Variants in MACF1 observed in about 807,000 individuals in gnomAD.
The protein encoded by MACF1 is microtubule actin crosslinking factor 1, also known as microtubule-actin cross-linking factor 1.
Under a neutral mutation model 854.8 loss-of-function variants are expected in MACF1, and 193 were observed. The observed-to-expected ratio is 0.23, with a 90% CI of 0.20 to 0.25. The LOEUF is 0.25. MACF1 is among the 10% of genes least tolerant of loss of function. The pLI is 1.00. For synonymous variants in MACF1, 3,185 were observed against 3,226.7 expected, an observed-to-expected ratio of 0.99 and a Z score of 0.44; for missense variants, 7,722 against 8,929.1, an observed-to-expected ratio of 0.86 and a Z score of 5.45.
intron 2 of MACF1, among the ~76,000 whole-genome samples, chr1:39,153,228 AG>A (rs1344122225): frequency 6.6e-6 from 1 of 152,134 alleles, no homozygotes; most frequent in South Asian, 2.1e-4. Context: ...ATCTTTTCCT[AG>A]GTCCTCAGAA....
intron 6 of MACF1, among the ~76,000 whole-genome samples, chr1:39,273,053 C>T (rs1476860064): frequency 6.6e-6 from 1 of 152,124 alleles, no homozygotes; most frequent in Non-Finnish European, 1.5e-5. Context: ...TTCCTCCTCC[C>T]CATCTTGACT....
At chr1:39,399,249 C>T (rs186065251) in intron 58 of MACF1, among the ~76,000 whole-genome samples, 1 of 152,176 alleles carries the variant, frequency 6.6e-6, no homozygotes, top group African/African-American at 2.4e-5. Flanking sequence ...TTGATCCCCA[C>T]TATCTTTCCA....
rs543036786 is a variant in MACF1 at position 39,333,878 on chromosome 1, G to A, written c.7290G>A (p.Leu2430=). Residue 2430 remains leucine, a synonymous_variant, in exon 37 of 101, where the codon TTG becomes TTA. Transcript: ENST00000564288. ...VSVTLASTLG[L]VDVADQPELI... is the part of the protein sequence containing the mutation. Reference sequence around the variant, plus strand: ...TAACTTTGGCCTCAACTCTTGGCTTGGTGGACGTTGCTGACCAGCCAGAAC... The same window carrying A: ...TAACTTTGGCCTCAACTCTTGGCTTAGTGGACGTTGCTGACCAGCCAGAAC... 2 of 1,614,164 alleles carry A rather than the reference G, an allele frequency of 1.2e-6. No homozygotes were observed. Among genetic ancestry groups the A allele is most frequent in the Non-Finnish European group, 1.7e-6 (2 of 1,180,028 alleles).
intron 89 of MACF1, among the ~76,000 whole-genome samples, chr1:39,455,709 T>TC (rs755826827): frequency 7.0e-4 from 107 of 152,216 alleles, no homozygotes; most frequent in Non-Finnish European, 1.2e-3. Flanking sequence ...TGAGCCAGGG[T>TC]CCCACTGGTC....
chr1:39,191,891 G>A (rs1269985184), intron 2 of MACF1, among the ~76,000 whole-genome samples: 2 of 152,086 alleles, frequency 1.3e-5, no homozygotes, highest in Admixed American at 6.6e-5. Flanking sequence ...GGCCAGGCAC[G>A]GTGGCTCCCA....
intron 74 of MACF1, 52 bp downstream of exon 74, chr1:39,441,377 AT>A (rs754035102): frequency 7.0e-7 from 1 of 1,421,368 alleles, no homozygotes; most frequent in South Asian, 1.2e-5. Context: ...GTTTTTTGCC[AT>A]TTTTGTCATT....
chr1:39,426,671 C>A (rs925878598), intron 61 of MACF1, among the ~76,000 whole-genome samples: 28 of 152,174 alleles, frequency 1.8e-4, no homozygotes, highest in South Asian at 1.5e-3. Context: ...CAGTGACAGT[C>A]ATGTATCCCA....
chr1:39,311,916 T>C (rs887636134), intron 26 of MACF1, among the ~76,000 whole-genome samples: 2 of 152,306 alleles, frequency 1.3e-5, no homozygotes, highest in East Asian at 1.9e-4. Context: ...TCTAACTTTC[T>C]ATTTTTTCCC....
intron 2 of MACF1, among the ~76,000 whole-genome samples, chr1:39,193,929 C>T (rs1177418578): frequency 6.6e-6 from 1 of 152,064 alleles, no homozygotes; most frequent in Non-Finnish European, 1.5e-5. Context: ...CTGCAACCTC[C>T]ACTTCCTGGG....
At chr1:39,134,016 T>C (rs1260832919) in intron 2 of MACF1, among the ~76,000 whole-genome samples, 2 of 150,262 alleles carry the variant, frequency 1.3e-5, no homozygotes, top group Non-Finnish European at 3.0e-5. Context: ...TCTTAGATAT[T>C]ATCATCAGAA....
In MACF1 at chr1:39,385,606, G is replaced by A. The variant is rs143981052; in HGVS notation, c.14021G>A (p.Arg4674His). Residue 4674 changes from arginine (R) to histidine (H), a missense_variant, in exon 57 of 101, where the codon CGT becomes CAT. By Grantham distance (29) the Arg-to-His change is conservative. Transcript: ENST00000564288. ...GAGCTGACTGACAAACTCAACTCCC[G>A]TTCCAGCCAAATTGACCAAGCTATT... ...WVELTDKLNSRSSQIDQAIVK... is the reference protein window; with the variant it reads ...WVELTDKLNSHSSQIDQAIVK... 6 of 1,614,092 alleles carry A rather than the reference G, an allele frequency of 3.7e-6. No homozygotes were observed. Among genetic ancestry groups the A allele is most frequent in the East Asian group, 2.2e-5 (1 of 44,876 alleles).
intron 2 of MACF1, among the ~76,000 whole-genome samples, chr1:39,194,122 C>T (rs745349818): frequency 1.3e-5 from 2 of 152,052 alleles, no homozygotes; most frequent in South Asian, 2.1e-4. Flanking sequence ...CATGCGCCAC[C>T]ACACCTGGCC....
chr1:39,422,971 T>C (rs2148637975), intron 60 of MACF1, 71 bp downstream of exon 60: 1 of 1,399,276 alleles, frequency 7.1e-7, no homozygotes. Context: ...TTGCTTATAG[T>C]TTAAGAAGCA....
intron 2 of MACF1, among the ~76,000 whole-genome samples, chr1:39,104,952 C>T (rs926564692): frequency 6.6e-6 from 1 of 152,182 alleles, no homozygotes; most frequent in Non-Finnish European, 1.5e-5. Flanking sequence ...GCACAGGCCC[C>T]GCTGGGTTTC....
intron 84 of MACF1, 118 bp downstream of exon 84, chr1:39,448,881 T>G: frequency 1.5e-6 from 1 of 659,324 alleles, no homozygotes; most frequent in Non-Finnish European, 2.4e-6. Flanking sequence ...TGTACCATCT[T>G]AACACCACCA....
intron 2 of MACF1, among the ~76,000 whole-genome samples, chr1:39,159,226 A>G (rs1298108859): frequency 5.3e-5 from 8 of 152,258 alleles, no homozygotes; most frequent in Non-Finnish European, 8.8e-5. Context: ...TACTTCAGCA[A>G]CAGCCTGTTG....
At chr1:39,226,278 G>A (rs1037624591) in intron 1 of MACF1, among the ~76,000 whole-genome samples, 1 of 151,908 alleles carries the variant, frequency 6.6e-6, no homozygotes, top group Non-Finnish European at 1.5e-5. Context: ...AGGCCATCAG[G>A]TTTCCTTAGT....
chr1:39,342,530 G>C (rs56881995), intron 40 of MACF1, among the ~76,000 whole-genome samples: 2,122 of 149,344 alleles, frequency 0.014, 44 homozygotes, highest in African/African-American at 0.049. Context: ...AGCATGGGTT[G>C]GCAAACTTTT....
At chr1:39,307,901 CTTTTTTTT>C (rs34930273) in intron 23 of MACF1, among the ~76,000 whole-genome samples, 3 of 50,406 alleles carry the variant, frequency 6.0e-5, no homozygotes, top group Admixed American at 3.0e-4. Flanking sequence ...TTCTTTCTTT[CTTTTTTTT>C]TTTTTTTTTT....
Sources: allele counts gnomAD v4.1 joint callset (sites outside exome capture counted in the v4.1 genomes callset), GRCh38; gene constraint gnomAD v4.1.1; transcripts MANE v1.5; gene names NCBI Gene and HGNC (gene_info 2026-07-23, HGNC 2026-07-21).